ATP9B: variants seen among roughly 807,000 people sequenced by gnomAD.
ATP9B encodes the protein ATPase phospholipid transporting 9B, also known as probable phospholipid-transporting ATPase IIB.
A neutral mutation model predicts 146.1 loss-of-function variants in ATP9B; 110 were observed. The observed-to-expected ratio is 0.75, with a 90% confidence interval of 0.65 to 0.88. The LOEUF is 0.88. Among genes scored for constraint, ATP9B ranks in the 40% least tolerant of loss-of-function variants. The pLI is 0.00. For synonymous variants in ATP9B, 604 were observed against 569.7 expected, an observed-to-expected ratio of 1.06 and a Z score of -0.86; for missense variants, 1,499 against 1,496.4, an observed-to-expected ratio of 1.00 and a Z score of -0.03.
At position 79,113,175 on chromosome 18, in the gene ATP9B, G is replaced by A. The variant is rs1273453708; in HGVS notation, c.445-66G>A. On this transcript the variant is annotated intron_variant, in intron 3 of 29. Transcript: ENST00000426216. ...GTTATATGTTGTGCAGATTTTAATT[G>A]TTTAATTTAGGTATTAAAATTTTTT... The A allele has an allele frequency of 7.7e-6, 6 of 781,240 alleles. No homozygotes were observed. In the Admixed American group the frequency reaches 1.1e-4, roughly 15 times the overall value. 48.4% of individuals were successfully genotyped at this position (781,240 alleles called of 1,614,324 possible).
chr18:79,150,668 TAA>T (rs1324129591), intron 6 of ATP9B, among the ~76,000 whole-genome samples: 2 of 152,150 alleles, frequency 1.3e-5, no homozygotes, highest in African/African-American at 4.8e-5. Flanking sequence ...AATAAGGACA[TAA>T]AGAGTCTGAA....
chr18:79,240,983 T>C (rs1181021455), intron 11 of ATP9B, among the ~76,000 whole-genome samples: 1 of 152,136 alleles, frequency 6.6e-6, no homozygotes, highest in Non-Finnish European at 1.5e-5. Flanking sequence ...TAGTAAGACC[T>C]GGCAGAGTTA....
intron 4 of ATP9B, among the ~76,000 whole-genome samples, chr18:79,125,760 G>A (rs1469437588): frequency 1.3e-5 from 2 of 152,096 alleles, no homozygotes; most frequent in African/African-American, 4.8e-5. Flanking sequence ...TGAGATGAAA[G>A]CACTATAATT....
At chr18:79,353,321 C>A (rs367973079) in intron 25 of ATP9B, 1 of 152,284 alleles carries the variant, frequency 6.6e-6, no homozygotes, top group Non-Finnish European at 1.5e-5. Flanking sequence ...CAGGGACTCT[C>A]ACCGCTTCAG....
At position 79,129,504 on chromosome 18, in the gene ATP9B, CT is replaced by C. The variant is rs537163155; in HGVS notation, c.667+3130del. ...GTTTGGGTTTGTTTCCTCCTCCCCCCTGCCCCTCCTTTTTCTCTCTTCATTT... is the reference window on the plus strand; with the variant it reads ...GTTTGGGTTTGTTTCCTCCTCCCCCCGCCCCTCCTTTTTCTCTCTTCATTT... On this transcript the variant is annotated intron_variant, in intron 5 of 29. Transcript: ENST00000426216. Among the ~76,000 whole-genome samples, 326 of 152,326 alleles carry C rather than the reference CT, an allele frequency of 2.1e-3. 5 individuals carry two copies. Among genetic ancestry groups the C allele is most frequent in the African/African-American group, 7.4e-3 (307 of 41,576 alleles).
intron 12 of ATP9B, among the ~76,000 whole-genome samples, chr18:79,257,059 G>A (rs1473532305): frequency 1.3e-5 from 2 of 152,082 alleles, no homozygotes; most frequent in African/African-American, 4.8e-5. Context: ...TAGTACTTTC[G>A]GAGGCTGAGG....
intron 23 of ATP9B, among the ~76,000 whole-genome samples, chr18:79,346,392 CACT>C (rs2096887796): frequency 6.6e-6 from 1 of 151,300 alleles, no homozygotes; most frequent in Non-Finnish European, 1.5e-5. Flanking sequence ...ACTTGTTTAG[CACT>C]ACTATGCTTG....
chr18:79,107,838 G>T (rs1443904370), intron 2 of ATP9B, among the ~76,000 whole-genome samples: 1 of 152,148 alleles, frequency 6.6e-6, no homozygotes, highest in African/African-American at 2.4e-5. Flanking sequence ...TACTGATGTG[G>T]CGGGAGGTTG....
chr18:79,368,161 C>A (rs1414130105), intron 26 of ATP9B, among the ~76,000 whole-genome samples: 1 of 152,228 alleles, frequency 6.6e-6, no homozygotes, highest in East Asian at 1.9e-4. Context: ...TCTGCAGCTT[C>A]CCTGCAAGTC....
At chr18:79,326,630 C>T (rs558695918) in intron 15 of ATP9B, among the ~76,000 whole-genome samples, 1 of 152,208 alleles carries the variant, frequency 6.6e-6, no homozygotes, top group Non-Finnish European at 1.5e-5. Context: ...CACACTCCGT[C>T]CCCACACAGT....
chr18:79,157,410 A>AAAAAACAAAAAC, intron 7 of ATP9B, among the ~76,000 whole-genome samples: 1 of 146,012 alleles, frequency 6.8e-6, no homozygotes, highest in South Asian at 2.2e-4. Flanking sequence ...AAAAAAAAAA[A>AAAAAACAAAAAC]AAAAAAAAAA....
In ATP9B at chr18:79,118,390, G is replaced by GTTT. The variant is rs752788043; in HGVS notation, c.558+5062_558+5064dup. Among the ~76,000 whole-genome samples the GTTT allele has an allele frequency of 6.5e-3, 602 of 93,196 alleles. 10 individuals carry two copies. The highest frequency in any genetic ancestry group is 9.4e-3 in the Non-Finnish European group (431 of 45,992). The allele number at this position is 93,196 out of a possible 152,430, so 61.1% of individuals were successfully genotyped here. On this transcript the variant is annotated intron_variant, in intron 4 of 29. Transcript: ENST00000426216. ...AAACACAATCATATTGAACGTTTTT[G>GTTT]TTTTTTTTTTTTTTTTTTTTTTTTT...
At chr18:79,112,409 T>A (rs923405672) in intron 3 of ATP9B, among the ~76,000 whole-genome samples, 4 of 152,220 alleles carry the variant, frequency 2.6e-5, no homozygotes, top group African/African-American at 9.6e-5. Context: ...ATATGTTAGA[T>A]CTTGGGTTTT....
At position 79,345,706 on chromosome 18, in the gene ATP9B, C is replaced by T. The variant is rs1382055348; in HGVS notation, c.2618-69C>T. On this transcript the variant is annotated intron_variant, in intron 22 of 29. Transcript: ENST00000426216. ...TTCATGGAAGTTTCTGAAATAGCTT[C>T]TGATGGTAAAAATGAAAAACGTGAT... 3.1e-6 allele frequency: 5 copies of T among 1,606,796 alleles called. No individual in the cohort carries two copies. In the African/African-American group the frequency reaches 6.7e-5, roughly 21 times the overall value.
intron 11 of ATP9B, 92 bp from the exon 12 acceptor site, chr18:79,253,289 T>G (rs2096048267): frequency 8.2e-7 from 1 of 1,222,336 alleles, no homozygotes; most frequent in Non-Finnish European, 1.1e-6. Context: ...TTTTAAAGTT[T>G]TTTTTTTATG....
At chr18:79,336,298 AT>A (rs1371433804) in intron 17 of ATP9B, among the ~76,000 whole-genome samples, 2 of 152,184 alleles carry the variant, frequency 1.3e-5, no homozygotes, top group African/African-American at 2.4e-5. Context: ...TCAGGGTATG[AT>A]TTTTTGAAAA....
intron 14 of ATP9B, among the ~76,000 whole-genome samples, chr18:79,306,769 G>A (rs1406533941): frequency 6.6e-6 from 1 of 152,068 alleles, no homozygotes; most frequent in African/African-American, 2.4e-5. Flanking sequence ...GAATATTTTG[G>A]TGTATTTGAC....
intron 8 of ATP9B, among the ~76,000 whole-genome samples, chr18:79,188,969 C>T (rs911790242): frequency 6.6e-6 from 1 of 151,604 alleles, no homozygotes; most frequent in Non-Finnish European, 1.5e-5. Context: ...TTACAGTATG[C>T]CTTTAACTAG....
At chr18:79,119,063 C>T (rs374025960) in intron 4 of ATP9B, among the ~76,000 whole-genome samples, 10 of 146,834 alleles carry the variant, frequency 6.8e-5, no homozygotes, top group Admixed American at 2.0e-4. Flanking sequence ...AGAGCGAGAC[C>T]GTGTCTTAAA....
Sources: allele counts gnomAD v4.1 joint callset (sites outside exome capture counted in the v4.1 genomes callset), GRCh38; gene constraint gnomAD v4.1.1; transcripts MANE v1.5; gene names NCBI Gene and HGNC (gene_info 2026-07-23, HGNC 2026-07-21).